Variants in GLRA3 observed in about 807,000 individuals in gnomAD.
The protein encoded by GLRA3 is glycine receptor subunit alpha-3.
Under a neutral mutation model 60.4 loss-of-function variants are expected in GLRA3, and 44 were observed. That is an observed-to-expected ratio of 0.73 (90% confidence interval 0.57 to 0.94). The LOEUF (loss-of-function observed/expected upper bound fraction) is 0.94, where lower values mean the gene tolerates loss of function less well. Among genes scored for constraint, GLRA3 ranks in the 40% least tolerant of loss-of-function variants. The probability of loss-of-function intolerance (pLI) is 0.00; values close to 1 mark genes in which losing one functional copy is unlikely to be tolerated. For synonymous variants in GLRA3, 223 were observed against 192.9 expected (o/e 1.16, Z -1.29); for missense variants, 508 against 564.6 (o/e 0.90, Z 1.02).
chr4:174,725,994 G>A (rs551424833), intron 4 of GLRA3, among the ~76,000 whole-genome samples: 49 of 152,342 alleles, frequency 3.2e-4, no homozygotes, highest in African/African-American at 1.2e-3. Context: ...AAGGGAAGGT[G>A]TTATCTTGTG....
chr4:174,731,774 A>G (rs1294705618), intron 3 of GLRA3, among the ~76,000 whole-genome samples: 1 of 152,234 alleles, frequency 6.6e-6, no homozygotes, highest in African/African-American at 2.4e-5. Context: ...GATTATTAAC[A>G]TGCTTTAAAA....
chr4:174,662,046 T>C (rs1307595362), intron 7 of GLRA3, among the ~76,000 whole-genome samples: 1 of 152,194 alleles, frequency 6.6e-6, no homozygotes, highest in Non-Finnish European at 1.5e-5. Context: ...TATCTGTGTA[T>C]ATGTCCATTG....
intron 2 of GLRA3, among the ~76,000 whole-genome samples, chr4:174,774,920 G>A (rs1738534767): frequency 6.6e-6 from 1 of 152,120 alleles, no homozygotes; most frequent in Admixed American, 6.5e-5. Flanking sequence ...TGGGGCATCA[G>A]GTCAACAACT....
At chr4:174,743,813 C>T (rs751130379) in intron 3 of GLRA3, among the ~76,000 whole-genome samples, 1 of 152,132 alleles carries the variant, frequency 6.6e-6, no homozygotes, top group Non-Finnish European at 1.5e-5. Context: ...TGAGATATTA[C>T]ATACAATAGG....
At chr4:174,657,596 CGTT>C (rs536430264) in intron 8 of GLRA3, among the ~76,000 whole-genome samples, 144 of 152,004 alleles carry the variant, frequency 9.5e-4, no homozygotes, top group Admixed American at 2.2e-3. Flanking sequence ...TTTGTACTGT[CGTT>C]GTTCAACCGG....
At chr4:174,723,580 A>C (rs1736209847) in intron 4 of GLRA3, among the ~76,000 whole-genome samples, 1 of 152,120 alleles carries the variant, frequency 6.6e-6, no homozygotes, top group Non-Finnish European at 1.5e-5. Flanking sequence ...CTATCTTTGC[A>C]AAATGACTAT....
intron 3 of GLRA3, among the ~76,000 whole-genome samples, chr4:174,752,682 A>G (rs1412560416): frequency 6.6e-6 from 1 of 152,190 alleles, no homozygotes; most frequent in African/African-American, 2.4e-5. Flanking sequence ...GAGGAAATTA[A>G]TACTTCATTA....
At position 174,643,739 on chromosome 4, in the gene GLRA3, A is replaced by T; in HGVS notation, c.*47T>A. 6.3e-7 allele frequency: 1 copy of T among 1,583,664 alleles called. No homozygotes were observed. ...ATACACATACACACCTATGGCAGAG[A>T]CACTTTCTTCTGAATTGACCATTTG... is the stretch of plus-strand genomic sequence containing the variant. On this transcript the variant is annotated 3_prime_UTR_variant, in exon 10 of 10. Coordinates refer to ENST00000274093, the MANE Select transcript of GLRA3 (RefSeq NM_006529.4).
chr4:174,762,189 T>G (rs1344574908), intron 3 of GLRA3, among the ~76,000 whole-genome samples: 1 of 152,154 alleles, frequency 6.6e-6, no homozygotes, highest in Non-Finnish European at 1.5e-5. Context: ...TTTTTCAAAT[T>G]TTAAAATAAA....
rs573083783 is a variant in GLRA3, at chr4:174,763,782, A to T, written c.267+3181T>A. Among the ~76,000 whole-genome samples the T allele has an allele frequency of 3.0e-4, 45 of 152,152 alleles. 1 individual carries two copies. The highest frequency in any genetic ancestry group is 6.2e-4 in the Non-Finnish European group (42 of 68,008). ...CCTCTCTCGCCAAGACCATGTTCCC[A>T]AACAGTAATGATGGTAAACTAGTTT... On this transcript the variant is annotated intron_variant, in intron 3 of 9. Coordinates refer to ENST00000274093, the MANE Select transcript of GLRA3 (RefSeq NM_006529.4).
intron 2 of GLRA3, among the ~76,000 whole-genome samples, chr4:174,786,286 T>C (rs760330162): frequency 5.9e-5 from 9 of 152,130 alleles, no homozygotes; most frequent in Non-Finnish European, 1.3e-4. Context: ...AGGCAAGGGA[T>C]TGTATTTTTA....
chr4:174,657,041 G>A (rs1561035839), intron 8 of GLRA3, among the ~76,000 whole-genome samples: 2 of 152,092 alleles, frequency 1.3e-5, no homozygotes. Context: ...GTAGTTATCA[G>A]AAAATAATAA....
intron 4 of GLRA3, among the ~76,000 whole-genome samples, chr4:174,721,030 TG>T (rs1736110021): frequency 6.7e-6 from 1 of 149,488 alleles, no homozygotes; most frequent in Admixed American, 6.7e-5. Context: ...TGTGTGTGTG[TG>T]TGTGTGTGTG....
intron 3 of GLRA3, among the ~76,000 whole-genome samples, chr4:174,743,845 CAAAT>C: frequency 3.9e-5 from 6 of 152,250 alleles, no homozygotes; most frequent in Admixed American, 3.9e-4. Context: ...AAAAAAAACA[CAAAT>C]AATGTATCTT....
At chr4:174,813,797 C>T (rs1279461156) in intron 1 of GLRA3, among the ~76,000 whole-genome samples, 1 of 152,178 alleles carries the variant, frequency 6.6e-6, no homozygotes, top group East Asian at 1.9e-4. Context: ...AATGACTTTG[C>T]CCTATCTCTT....
chr4:174,684,067 A>G (rs1734459934), intron 5 of GLRA3, among the ~76,000 whole-genome samples: 1 of 152,168 alleles, frequency 6.6e-6, no homozygotes, highest in Non-Finnish European at 1.5e-5. Context: ...CTTAAGCCAT[A>G]ATGTTGAATA....
intron 6 of GLRA3, among the ~76,000 whole-genome samples, chr4:174,680,044 T>C (rs768878576): frequency 1.3e-5 from 2 of 152,234 alleles, no homozygotes; most frequent in Admixed American, 6.5e-5. Flanking sequence ...TATGAGGTGA[T>C]AGATGTCCCA....
chr4:174,770,361 T>C (rs192420578), intron 2 of GLRA3, among the ~76,000 whole-genome samples: 2 of 152,174 alleles, frequency 1.3e-5, no homozygotes, highest in East Asian at 3.9e-4. Flanking sequence ...CAAGAATGCT[T>C]GGAAACCACT....
rs1284364356 is a variant in GLRA3 at position 174,639,366 on chromosome 4, A to ATGTGTGTG, written c.*4419_*4420insCACACACA. 3.3e-5 allele frequency: 3 copies of ATGTGTGTG among 91,676 alleles called. No individual in the cohort carries two copies. Among genetic ancestry groups the ATGTGTGTG allele is most frequent in the Admixed American group, 1.5e-4 (1 of 6,724 alleles). 5.7% of individuals were successfully genotyped at this position (91,676 alleles called of 1,614,324 possible). On this transcript the variant is annotated 3_prime_UTR_variant, in exon 10 of 10. Transcript: ENST00000274093. The stretch of plus-strand genomic sequence containing the variant: ...TAAAGGAATTCATCTCATTACCAAT[A>ATGTGTGTG]TGTGTATGTGTGTGTGTGTGTGTGT...
Sources: allele counts gnomAD v4.1 joint callset (sites outside exome capture counted in the v4.1 genomes callset), GRCh38; gene constraint gnomAD v4.1.1; transcripts MANE v1.5; gene names NCBI Gene and HGNC (gene_info 2026-07-23, HGNC 2026-07-21).